The following CLMN variants were observed in gnomAD, a reference collection of about 807,000 sequenced individuals.
The protein encoded by CLMN is calmin.
CLMN carries 57 observed loss-of-function variants against 92.7 expected under a neutral mutation model. That is an observed-to-expected ratio of 0.61 (90% confidence interval 0.50 to 0.77). The LOEUF is 0.77. CLMN is among the 30% of genes least tolerant of loss of function. CLMN has a pLI of 0.00. For missense variants in CLMN, 1,158 were observed against 1,237.5 expected, an observed-to-expected ratio of 0.94 and a Z score of 0.96; for synonymous variants, 466 against 470.6, an observed-to-expected ratio of 0.99 and a Z score of 0.13.
intron 1 of CLMN, among the ~76,000 whole-genome samples, chr14:95,318,103 C>T (rs1249854878): frequency 6.6e-6 from 1 of 152,116 alleles, no homozygotes. Context: ...TTCTCTAAAC[C>T]AGGAGCTAAT....
chr14:95,284,677 C>CT (rs559353227), intron 1 of CLMN, among the ~76,000 whole-genome samples: 319 of 152,178 alleles, frequency 2.1e-3, no homozygotes, highest in African/African-American at 7.3e-3. Context: ...CCTGTAACCC[C>CT]TTTTTTTGGC....
At chr14:95,250,679 A>G (rs572538482) in intron 1 of CLMN, among the ~76,000 whole-genome samples, 6 of 152,368 alleles carry the variant, frequency 3.9e-5, no homozygotes, top group African/African-American at 1.4e-4. Flanking sequence ...AGAGCTACAG[A>G]GCATGTCATC....
intron 1 of CLMN, among the ~76,000 whole-genome samples, chr14:95,270,046 A>G (rs1411325935): frequency 1.3e-4 from 20 of 152,184 alleles, no homozygotes; most frequent in Admixed American, 1.2e-3. Context: ...AACAGAACCT[A>G]AGAAGGTAAA....
intron 1 of CLMN, among the ~76,000 whole-genome samples, chr14:95,278,911 C>T (rs952525539): frequency 1.2e-4 from 18 of 152,160 alleles, no homozygotes. Context: ...GCTGTGCCCG[C>T]TTATTAGGCC....
At chr14:95,193,218 A>T in intron 12 of CLMN, 1 of 744,124 alleles carries the variant, frequency 1.3e-6, no homozygotes, top group Non-Finnish European at 2.3e-6. Flanking sequence ...AATTGTAAGA[A>T]TTTGAGACGT....
intron 3 of CLMN, among the ~76,000 whole-genome samples, chr14:95,222,227 G>A (rs1284499642): frequency 1.3e-5 from 2 of 152,280 alleles, no homozygotes; most frequent in South Asian, 2.1e-4. Context: ...TCATCCAGCC[G>A]AGGTCCTCCC....
intron 8 of CLMN, among the ~76,000 whole-genome samples, chr14:95,207,999 T>G (rs1181211648): frequency 6.6e-6 from 1 of 152,162 alleles, no homozygotes; most frequent in Non-Finnish European, 1.5e-5. Context: ...GATCCTTATT[T>G]TCGTTTATAA....
intron 1 of CLMN, among the ~76,000 whole-genome samples, chr14:95,282,332 A>G (rs890813963): frequency 6.6e-6 from 1 of 152,084 alleles, no homozygotes; most frequent in Non-Finnish European, 1.5e-5. Context: ...TATGGAAAGG[A>G]TATTGGAAAG....
At chr14:95,284,512 C>A (rs1282452334) in intron 1 of CLMN, among the ~76,000 whole-genome samples, 1 of 152,166 alleles carries the variant, frequency 6.6e-6, no homozygotes, top group Non-Finnish European at 1.5e-5. Flanking sequence ...GTGAAAACAG[C>A]CAGGAGGGAG....
Position 95,210,753 on chromosome 14 carries a change from T to C in CLMN, c.735A>G (p.Glu245=), listed in dbSNP as rs148497172. 3 of 1,609,536 alleles carry C rather than the reference T, an allele frequency of 1.9e-6. No homozygotes were observed. The Middle Eastern group carries it at 5.0e-4, about 266-fold the overall frequency. ...CGATGCTGAAAGCCTTCTCTAGATT[T>C]TCTCGTGTGGAATTTTCCAGGGCCT... ...MKQALENSTR[E]NLEKAFSIAQ... is the part of the protein sequence containing the mutation. Residue 245 remains glutamate, a synonymous_variant, in exon 7 of 13, where the codon GAA becomes GAG. Transcript: ENST00000298912.
At chr14:95,278,431 T>C (rs1041084195) in intron 1 of CLMN, among the ~76,000 whole-genome samples, 10 of 145,768 alleles carry the variant, frequency 6.9e-5, no homozygotes, top group Non-Finnish European at 3.0e-5. Flanking sequence ...TTCTTGCCAC[T>C]CTTGATGCCC....
intron 8 of CLMN, 64 bp downstream of exon 8, chr14:95,209,331 C>T: frequency 4.7e-6 from 7 of 1,487,304 alleles, no homozygotes; most frequent in South Asian, 1.1e-5. Flanking sequence ...GTCCCTGCTT[C>T]GTCTGATGGC....
At chr14:95,288,485 A>G (rs116973276) in intron 1 of CLMN, among the ~76,000 whole-genome samples, 412 of 152,346 alleles carry the variant, frequency 2.7e-3, no homozygotes, top group South Asian at 7.9e-3. Flanking sequence ...AATGGAAACT[A>G]CAGCAGCTGG....
Position 95,191,820 on chromosome 14 carries a change from C to T in CLMN, c.2841-88G>A. 2 of 1,322,392 alleles carry T rather than the reference C, an allele frequency of 1.5e-6. No homozygotes were observed. The highest frequency in any genetic ancestry group is 1.0e-6 in the Non-Finnish European group (1 of 971,462). The allele number at this position is 1,322,392 out of a possible 1,614,324, so 81.9% of individuals were successfully genotyped here. ...CCAGTGCTACCCGTCTCTCCCCGGCCCCCACTCCCCGCCTGAAGACCCGAA... is the reference window on the plus strand; with the variant it reads ...CCAGTGCTACCCGTCTCTCCCCGGCTCCCACTCCCCGCCTGAAGACCCGAA... On this transcript the variant is annotated intron_variant, in intron 12 of 12. Coordinates refer to ENST00000298912, the MANE Select transcript of CLMN (RefSeq NM_024734.4). This position sits in a 1 kb window ranked among gnomAD's most constrained non-coding sequence, Gnocchi z 5.3.
chr14:95,259,832 G>A lies in CLMN; in HGVS notation c.83-29699C>T, dbSNP rs117374738. 2.0e-5 allele frequency among the ~76,000 whole-genome samples: 3 copies of A among 152,252 alleles called. No homozygotes were observed. The highest frequency in any genetic ancestry group is 2.1e-4 in the South Asian group (1 of 4,816). On this transcript the variant is annotated intron_variant, in intron 1 of 12. Coordinates refer to ENST00000298912, the MANE Select transcript of CLMN (RefSeq NM_024734.4). This position sits in a 1 kb window ranked among gnomAD's most constrained non-coding sequence, Gnocchi z 4.3. ...AAAATGCATGGCCAGCTGCACCTGC[G>A]TTTCCTCTCCCCACACCCACCTGGA...
intron 5 of CLMN, among the ~76,000 whole-genome samples, chr14:95,214,496 C>T (rs1897279400): frequency 6.6e-6 from 1 of 151,910 alleles, no homozygotes; most frequent in Admixed American, 6.6e-5. Flanking sequence ...ATTACAGGCA[C>T]ACACCACCAT....
intron 8 of CLMN, among the ~76,000 whole-genome samples, chr14:95,207,048 T>C (rs1035431957): frequency 2.0e-5 from 3 of 152,010 alleles, no homozygotes; most frequent in Non-Finnish European, 4.4e-5. Flanking sequence ...AAAATCAAGA[T>C]ATTGGCAGGG....
intron 1 of CLMN, among the ~76,000 whole-genome samples, chr14:95,296,952 C>T (rs145401465): frequency 7.6e-4 from 115 of 152,242 alleles, no homozygotes; most frequent in African/African-American, 2.7e-3. Flanking sequence ...TCCCATCAGA[C>T]GGGATAAGAG....
At chr14:95,274,264 T>C (rs1020116429) in intron 1 of CLMN, among the ~76,000 whole-genome samples, 2 of 152,014 alleles carry the variant, frequency 1.3e-5, no homozygotes, top group Non-Finnish European at 2.9e-5. Flanking sequence ...GTTTCCATCG[T>C]TCTGCTTGGA....
Sources: allele counts gnomAD v4.1 joint callset (sites outside exome capture counted in the v4.1 genomes callset), GRCh38; gene constraint gnomAD v4.1.1; non-coding constraint Gnocchi (gnomAD v3.1); transcripts MANE v1.5; gene names NCBI Gene and HGNC (gene_info 2026-07-23, HGNC 2026-07-21).